RBFOX2: variants seen among roughly 807,000 people sequenced by gnomAD.
The protein encoded by RBFOX2 is RNA binding fox-1 homolog 2, also known as RNA binding protein fox-1 homolog 2.
In RBFOX2, 10 loss-of-function variants were observed where a neutral mutation model predicts 49.1. The observed-to-expected ratio is 0.20, with a 90% confidence interval of 0.13 to 0.35. RBFOX2 has a LOEUF of 0.35. Ranked by LOEUF, RBFOX2 falls within the 10% of genes least tolerant of loss-of-function variation. The pLI, the probability that RBFOX2 is intolerant of heterozygous loss-of-function variation, is 1.00. For synonymous variants in RBFOX2, 183 were observed against 187.4 expected, an observed-to-expected ratio of 0.98 and a Z score of 0.19; for missense variants, 323 against 486.9, an observed-to-expected ratio of 0.66 and a Z score of 3.17.
intron 4 of RBFOX2, among the ~76,000 whole-genome samples, chr22:35,775,713 CGCCTG>C (rs755138185): frequency 5.4e-4 from 82 of 151,578 alleles, no homozygotes; most frequent in Non-Finnish European, 9.3e-4. Flanking sequence ...TGGTAGTGTG[CGCCTG>C]TTATCCCAGC....
intron 11 of RBFOX2, 32 bp from the exon 14 acceptor site, chr22:35,744,281 A>C: frequency 6.3e-7 from 1 of 1,583,756 alleles, no homozygotes; most frequent in East Asian, 2.3e-5. Context: ...AAATAATTAA[A>C]AGGTTGATGA....
intron 1 of RBFOX2, among the ~76,000 whole-genome samples, chr22:35,889,328 T>C (rs1195192015): frequency 6.6e-6 from 1 of 152,154 alleles, no homozygotes; most frequent in Non-Finnish European, 1.5e-5. Flanking sequence ...TTTCCAGACC[T>C]AGGTGGCCAT....
intron 1 of RBFOX2, among the ~76,000 whole-genome samples, chr22:36,021,483 A>G (rs2059246162): frequency 6.6e-6 from 1 of 152,216 alleles, no homozygotes; most frequent in Non-Finnish European, 1.5e-5. Context: ...CAAAAGTGAC[A>G]AACGATCACA....
chr22:35,841,795 C>G (rs1380337895), upstream of RBFOX2, among the ~76,000 whole-genome samples: 1 of 152,178 alleles, frequency 6.6e-6, no homozygotes, highest in African/African-American at 2.4e-5. Context: ...AAATAAACAT[C>G]TACAGAAATC....
chr22:35,979,213 A>T (rs2057341628), intron 1 of RBFOX2, among the ~76,000 whole-genome samples: 1 of 152,228 alleles, frequency 6.6e-6, no homozygotes, highest in Non-Finnish European at 1.5e-5. Flanking sequence ...AATGTCAAGG[A>T]CATGAAAGAA....
chr22:35,961,782 G>C (rs1030826250), upstream of RBFOX2: 3 of 1,164,320 alleles, frequency 2.6e-6, no homozygotes, highest in African/African-American at 3.2e-5. Flanking sequence ...GCTTTCAACA[G>C]GAACCTGAGC....
chr22:35,789,689 A>G (rs1339809651), intron 2 of RBFOX2, among the ~76,000 whole-genome samples: 1 of 152,172 alleles, frequency 6.6e-6, no homozygotes, highest in Non-Finnish European at 1.5e-5. Context: ...CCAAACTAGC[A>G]TTTCATTCCT....
intron 1 of RBFOX2, among the ~76,000 whole-genome samples, chr22:35,912,550 T>G (rs2049950059): frequency 6.6e-6 from 1 of 152,238 alleles, no homozygotes; most frequent in Non-Finnish European, 1.5e-5. Flanking sequence ...TTTAGCATTT[T>G]CACTTAAAAC....
chr22:35,947,672 TAAAAAAAAAAAAAAA>T (rs559788717), intron 1 of RBFOX2, among the ~76,000 whole-genome samples: 3 of 34,144 alleles, frequency 8.8e-5, no homozygotes, highest in African/African-American at 3.6e-4. Context: ...GTTTAAAAAG[TAAAAAAAAAAAAAAA>T]AAAAAAAAAA....
intron 5 of RBFOX2, among the ~76,000 whole-genome samples, chr22:35,765,928 A>G (rs1348928816): frequency 6.6e-6 from 1 of 152,206 alleles, no homozygotes; most frequent in Non-Finnish European, 1.5e-5. Context: ...AATGTTCAGC[A>G]TTTTAAATAT....
intron 1 of RBFOX2, among the ~76,000 whole-genome samples, chr22:35,815,913 G>A (rs1180959986): frequency 6.6e-6 from 1 of 152,130 alleles, no homozygotes; most frequent in Non-Finnish European, 1.5e-5. Flanking sequence ...TAAAAAAAAA[G>A]AGTACCTAGG....
chr22:35,977,360 T>C (rs1318885915), intron 1 of RBFOX2, among the ~76,000 whole-genome samples: 1 of 152,026 alleles, frequency 6.6e-6, no homozygotes, highest in Non-Finnish European at 1.5e-5. Context: ...GAAATGAAGC[T>C]ACTCAACAGC....
intron 1 of RBFOX2, chr22:35,992,826 C>T (rs2058038513): frequency 6.6e-6 from 1 of 152,178 alleles, no homozygotes; most frequent in Non-Finnish European, 1.5e-5. Context: ...ACATCTATGT[C>T]TCTGCCTTAC....
intron 1 of RBFOX2, among the ~76,000 whole-genome samples, chr22:35,831,012 CTTACGTATGCTATA>C (rs1489487841): frequency 6.6e-6 from 1 of 152,162 alleles, no homozygotes; most frequent in African/African-American, 2.4e-5. Flanking sequence ...ATGGGAAAAC[CTTACGTATGCTATA>C]AAGGAAATTG....
chr22:35,907,838 G>T (rs967240081), intron 1 of RBFOX2, among the ~76,000 whole-genome samples: 1 of 152,008 alleles, frequency 6.6e-6, no homozygotes, highest in African/African-American at 2.4e-5. Flanking sequence ...GTGGAGACGG[G>T]TTTTTGTCAC....
At chr22:35,876,470 A>G (rs993792966) in intron 1 of RBFOX2, among the ~76,000 whole-genome samples, 5 of 152,054 alleles carry the variant, frequency 3.3e-5, no homozygotes, top group South Asian at 2.1e-4. Flanking sequence ...TGTAACGTTT[A>G]TTAATATATA....
At chr22:35,929,653 T>C (rs1169038579) in intron 1 of RBFOX2, among the ~76,000 whole-genome samples, 1 of 151,928 alleles carries the variant, frequency 6.6e-6, no homozygotes, top group Non-Finnish European at 1.5e-5. Flanking sequence ...AAAGCGACCA[T>C]TTTTTTTGTT....
chr22:35,787,710 A>G (rs1946703873), intron 2 of RBFOX2, among the ~76,000 whole-genome samples: 2 of 152,162 alleles, frequency 1.3e-5, no homozygotes, highest in African/African-American at 4.8e-5. Context: ...TCTAAGAAAA[A>G]TCTCAGTCTA....
chr22:35,895,914 T>C (rs1460271534), intron 1 of RBFOX2, among the ~76,000 whole-genome samples: 1 of 152,224 alleles, frequency 6.6e-6, no homozygotes, highest in African/African-American at 2.4e-5. Flanking sequence ...ATTAAGTACT[T>C]CCTATATGCC....
Sources: gnomAD v4.1 joint callset for allele counts (sites outside exome capture counted in the v4.1 genomes callset) on GRCh38, gnomAD v4.1.1 for gene constraint, MANE v1.5 for transcripts, NCBI Gene and HGNC (gene_info 2026-07-23, HGNC 2026-07-21) for gene names.